DHX36: variants seen among roughly 807,000 people sequenced by gnomAD.
The protein encoded by DHX36 is DEAH-box helicase 36.
A neutral mutation model predicts 139.0 loss-of-function variants in DHX36; 50 were observed. That is an observed-to-expected ratio of 0.36 (90% CI 0.29 to 0.46). The LOEUF (loss-of-function observed/expected upper bound fraction) is 0.46, where lower values mean the gene tolerates loss of function less well. Ranked by LOEUF, DHX36 falls within the 20% of genes least tolerant of loss-of-function variation. The pLI, the probability that DHX36 is intolerant of heterozygous loss-of-function variation, is 1.00. For synonymous variants in DHX36, 425 were observed against 401.9 expected, an observed-to-expected ratio of 1.06 and a Z score of -0.69; for missense variants, 1,024 against 1,211.3, an observed-to-expected ratio of 0.85 and a Z score of 2.29.
At chr3:154,318,488 T>G (rs2108368225) in intron 1 of DHX36, among the ~76,000 whole-genome samples, 1 of 152,218 alleles carries the variant, frequency 6.6e-6, no homozygotes, top group African/African-American at 2.4e-5. Flanking sequence ...CACAAAAGAT[T>G]ATTCTAATTT....
At chr3:154,317,033 T>C (rs147649279) in intron 1 of DHX36, among the ~76,000 whole-genome samples, 100 of 152,006 alleles carry the variant, frequency 6.6e-4, no homozygotes, top group African/African-American at 2.3e-3. Context: ...AAAGTATAAA[T>C]GGAAAGAAAA....
In DHX36 at chr3:154,288,854, A is replaced by G. The variant is rs1275216788; in HGVS notation, c.2031+12T>C. The G allele has an allele frequency of 1.3e-6, 2 of 1,496,564 alleles. No individual in the cohort carries two copies. Among genetic ancestry groups the G allele is most frequent in the African/African-American group, 1.4e-5 (1 of 70,762 alleles). 92.7% of individuals were successfully genotyped at this position (1,496,564 alleles called of 1,614,324 possible). A position where few individuals can be genotyped will look rare whatever the true frequency, so the allele number is the denominator to read the frequency against. ...CTAAGTTAGAATTAAAAAAACAAGA[A>G]AACAAATTTACCAGCTCCATCAGGT... On this transcript the variant is annotated intron_variant, in intron 17 of 24. Coordinates refer to ENST00000496811, the MANE Select transcript of DHX36 (RefSeq NM_020865.3).
In DHX36 at chr3:154,300,686, T is replaced by C. The variant is rs111899617; in HGVS notation, c.1369A>G (p.Ser457Gly). The C allele has an allele frequency of 1.4e-5, 23 of 1,610,446 alleles. 1 individual carries two copies. Among genetic ancestry groups the C allele is most frequent in the South Asian group, 1.2e-4 (11 of 90,696 alleles). The change falls in exon 11 of 25, where the codon AGT (serine) becomes GGT (glycine). Residue 457 changes from serine (S) to glycine (G), a missense_variant. Around this residue, in one of 4 missense-constraint regions of DHX36, gnomAD observed 115 missense variants for 105.6 expected, o/e 1.09. Coordinates refer to ENST00000496811, the MANE Select transcript of DHX36 (RefSeq NM_020865.3). ...ATCATTTCTATAACATCTACAGTACTTGCAGAATACCTATCAAAGTTAAAC... is the reference window on the plus strand; with the variant it reads ...ATCATTTCTATAACATCTACAGTACCTGCAGAATACCTATCAAAGTTAAAC... ...VRELRRRYSA[S>G]TVDVIEMMED...
chr3:154,303,851 T>C (rs116754173), intron 8 of DHX36, among the ~76,000 whole-genome samples: 6 of 152,270 alleles, frequency 3.9e-5, no homozygotes, highest in Non-Finnish European at 5.9e-5. Flanking sequence ...CCTAAACAAA[T>C]AGATTGTTAC....
intron 5 of DHX36, among the ~76,000 whole-genome samples, chr3:154,306,784 C>T (rs188219880): frequency 6.6e-6 from 1 of 152,020 alleles, no homozygotes; most frequent in South Asian, 2.1e-4. Context: ...CTGATTTGTA[C>T]AACTAAAAGT....
intron 17 of DHX36, among the ~76,000 whole-genome samples, chr3:154,287,819 G>A (rs2108339532): frequency 6.6e-6 from 1 of 152,080 alleles, no homozygotes; most frequent in South Asian, 2.1e-4. Flanking sequence ...AGCAATTTAT[G>A]AGAGACTACA....
At chr3:154,284,201 A>G (rs73160599) in intron 19 of DHX36, among the ~76,000 whole-genome samples, 42,552 of 151,858 alleles carry the variant, frequency 0.28, 6,713 homozygotes, top group South Asian at 0.41. Context: ...TTTTTTTGAG[A>G]TTGAGTCTCA....
At chr3:154,311,070 T>C (rs1393722116) in intron 4 of DHX36, among the ~76,000 whole-genome samples, 1 of 150,654 alleles carries the variant, frequency 6.6e-6, no homozygotes, top group African/African-American at 2.4e-5. Context: ...ACAAAACAAA[T>C]CCTATCCTCA....
Position 154,311,322 on chromosome 3 carries a change from A to G in DHX36, c.642+314T>C, listed in dbSNP as rs534595249. 9.9e-4 allele frequency among the ~76,000 whole-genome samples: 150 copies of G among 152,188 alleles called. 1 individual carries two copies. Among genetic ancestry groups the G allele is most frequent in the Non-Finnish European group, 1.9e-3 (129 of 67,976 alleles). On this transcript the variant is annotated intron_variant, in intron 4 of 24. Transcript: ENST00000496811. ...GATTTTAATTAATACAATAATTTGT[A>G]TATTATTTTTAACTGAAGTATTTGG...
intron 1 of DHX36, among the ~76,000 whole-genome samples, chr3:154,321,499 A>G (rs1713183771): frequency 6.6e-6 from 1 of 152,194 alleles, no homozygotes; most frequent in South Asian, 2.1e-4. Flanking sequence ...ATATTCTCTA[A>G]TACCTTAATA....
chr3:154,317,994 A>G (rs919878279), intron 1 of DHX36, among the ~76,000 whole-genome samples: 4 of 152,128 alleles, frequency 2.6e-5, no homozygotes, highest in African/African-American at 9.7e-5. Flanking sequence ...TGGTCACAAC[A>G]AAGTTTAACA....
intron 23 of DHX36, 45 bp downstream of exon 23, chr3:154,277,553 T>A (rs1440379910): frequency 1.9e-6 from 3 of 1,540,818 alleles, no homozygotes. Context: ...AAAAATACAA[T>A]GAGACTGATA....
chr3:154,274,268 A>G lies in DHX36; in HGVS notation c.*1903T>C, dbSNP rs1456066765. 6.1e-6 allele frequency: 1 copy of G among 164,122 alleles called. No homozygotes were observed. The highest frequency in any genetic ancestry group is 1.3e-5 in the Non-Finnish European group (1 of 76,688). The allele number at this position is 164,122 out of a possible 1,614,324, so 10.2% of individuals were successfully genotyped here. A position where few individuals can be genotyped will look rare whatever the true frequency, so the allele number is the denominator to read the frequency against. On this transcript the variant is annotated 3_prime_UTR_variant, in exon 25 of 25. Transcript: ENST00000496811. ...GGCTGCAGTGAACCAAGATCACACC[A>G]CTGCACTCCAGCCTGGGTGACAGGG...
chr3:154,305,740 G>C (rs1712475510), intron 6 of DHX36, among the ~76,000 whole-genome samples: 1 of 152,202 alleles, frequency 6.6e-6, no homozygotes, highest in South Asian at 2.1e-4. Flanking sequence ...ACTTCAGCCA[G>C]AGCAACAGAG....
At chr3:154,295,130 A>T (rs1291690924) in intron 13 of DHX36, among the ~76,000 whole-genome samples, 154 bp downstream of exon 13, 2 of 152,008 alleles carry the variant, frequency 1.3e-5, no homozygotes, top group Non-Finnish European at 2.9e-5. Flanking sequence ...TCCCCTGAAG[A>T]CTCATTTGCA....
chr3:154,310,944 T>C (rs773226191), intron 4 of DHX36, among the ~76,000 whole-genome samples: 27 of 148,250 alleles, frequency 1.8e-4, no homozygotes, highest in Non-Finnish European at 3.3e-4. Context: ...GTTTGAACAC[T>C]GAAATTATAG....
intron 9 of DHX36, among the ~76,000 whole-genome samples, chr3:154,302,070 G>GT (rs1712318637): frequency 3.7e-5 from 5 of 136,448 alleles, no homozygotes; most frequent in African/African-American, 1.1e-4. Flanking sequence ...ATGTGATAAA[G>GT]TAAAAAAAAA....
At chr3:154,310,838 T>A (rs1292182094) in intron 4 of DHX36, among the ~76,000 whole-genome samples, 3 of 87,498 alleles carry the variant, frequency 3.4e-5, no homozygotes, top group East Asian at 3.6e-4. Flanking sequence ...TATATATATA[T>A]ATATATATAT....
chr3:154,283,365 T>C (rs1162968637), intron 19 of DHX36, 94 bp from the exon 20 acceptor site: 22 of 780,024 alleles, frequency 2.8e-5, no homozygotes, highest in Admixed American at 5.0e-5. Flanking sequence ...CTTAATATTC[T>C]ACTAATATTT....
Sources: gnomAD v4.1 joint callset for allele counts (sites outside exome capture counted in the v4.1 genomes callset) on GRCh38, gnomAD v4.1.1 for gene constraint, gnomAD v4.1.1 regional missense constraint, MANE v1.5 for transcripts, NCBI Gene and HGNC (gene_info 2026-07-23, HGNC 2026-07-21) for gene names.